The following PLOD2 variants were observed in gnomAD, a reference collection of about 807,000 sequenced individuals.
The protein encoded by PLOD2 is lysine hydroxylase 2.
Under a neutral mutation model 101.0 loss-of-function variants are expected in PLOD2, and 65 were observed. The observed-to-expected ratio is 0.64, with a 90% CI of 0.53 to 0.79. The LOEUF is 0.79. Ranked by LOEUF, PLOD2 falls within the 30% of genes least tolerant of loss-of-function variation. The pLI is 0.00. For missense variants in PLOD2, 909 were observed against 914.6 expected, an observed-to-expected ratio of 0.99 and a Z score of 0.08; for synonymous variants, 314 against 302.9, an observed-to-expected ratio of 1.04 and a Z score of -0.38.
intron 1 of PLOD2, among the ~76,000 whole-genome samples, chr3:146,133,225 T>C (rs1239076620): frequency 6.6e-6 from 1 of 152,154 alleles, no homozygotes; most frequent in East Asian, 1.9e-4. Flanking sequence ...GGTGTAATTT[T>C]TAATATAAAA....
At chr3:146,157,221 C>T (rs1576635263) in intron 1 of PLOD2, among the ~76,000 whole-genome samples, 1 of 152,090 alleles carries the variant, frequency 6.6e-6, no homozygotes, top group African/African-American at 2.4e-5. Flanking sequence ...GTAAGCAAAA[C>T]CTGAGAATGT....
chr3:146,078,510 G>A (rs1936420720), intron 13 of PLOD2, among the ~76,000 whole-genome samples: 1 of 151,664 alleles, frequency 6.6e-6, no homozygotes, highest in Non-Finnish European at 1.5e-5. Flanking sequence ...TATGCATTTT[G>A]AAAAATTATT....
At chr3:146,156,432 A>C (rs57945878) in intron 1 of PLOD2, among the ~76,000 whole-genome samples, 2 of 152,184 alleles carry the variant, frequency 1.3e-5, no homozygotes, top group Non-Finnish European at 2.9e-5. Flanking sequence ...ATAAGTAAAC[A>C]AATGAATGTG....
intron 5 of PLOD2, among the ~76,000 whole-genome samples, chr3:146,105,721 C>G (rs1937524786): frequency 6.6e-6 from 1 of 152,102 alleles, no homozygotes; most frequent in African/African-American, 2.4e-5. Context: ...TTCAGGGAAC[C>G]AAGGATCCAG....
intron 3 of PLOD2, among the ~76,000 whole-genome samples, chr3:146,117,055 G>A (rs1937946296): frequency 6.6e-6 from 1 of 152,090 alleles, no homozygotes; most frequent in Non-Finnish European, 1.5e-5. Flanking sequence ...TAATGGGGAT[G>A]ACTGCACGAC....
chr3:146,071,290 C>T lies in PLOD2; in HGVS notation c.1982G>A (p.Gly661Asp), dbSNP rs765108706. Reference protein sequence around the residue: ...IAPVTLKVFAGYYTKGFALLN... With the variant: ...IAPVTLKVFADYYTKGFALLN... Reference sequence around the variant, plus strand: ...GAGGATAACTACCTTCGTATAATAGCCTGCAAAGACCTTCAGTGTAACTGG... The same window carrying T: ...GAGGATAACTACCTTCGTATAATAGTCTGCAAAGACCTTCAGTGTAACTGG... Residue 661 changes from glycine to aspartate, a missense_variant, in exon 18 of 20, where the codon GGC (glycine) becomes GAC (aspartate). Coordinates refer to ENST00000282903, the MANE Select transcript of PLOD2 (RefSeq NM_182943.3). The T allele has an allele frequency of 1.9e-6, 3 of 1,611,942 alleles. No individual in the cohort carries two copies. In the Admixed American group the frequency reaches 5.0e-5, roughly 27 times the overall value.
At chr3:146,101,669 G>A (rs998405349) in intron 7 of PLOD2, among the ~76,000 whole-genome samples, 23 of 152,214 alleles carry the variant, frequency 1.5e-4, no homozygotes, top group African/African-American at 5.5e-4. Flanking sequence ...TGAAGGGGAG[G>A]AGAAAAGCCA....
intron 5 of PLOD2, among the ~76,000 whole-genome samples, chr3:146,106,246 C>A (rs1326055315): frequency 2.0e-5 from 3 of 152,132 alleles, no homozygotes; most frequent in Non-Finnish European, 4.4e-5. Flanking sequence ...TATAGCACTG[C>A]ATTATATAGT....
intron 1 of PLOD2, among the ~76,000 whole-genome samples, chr3:146,144,996 C>T (rs961720763): frequency 5.3e-5 from 8 of 152,074 alleles, no homozygotes; most frequent in African/African-American, 1.4e-4. Context: ...AACTCTTAAA[C>T]GAAGTTATGC....
At chr3:146,081,937 T>C (rs1936557066) in intron 11 of PLOD2, 74 bp from the exon 12 acceptor site, 8 of 1,397,002 alleles carry the variant, frequency 5.7e-6, no homozygotes, top group Admixed American at 2.0e-5. Flanking sequence ...CACAGAATTA[T>C]GTATTTTGGG....
chr3:146,119,261 T>C (rs983489831), intron 3 of PLOD2, among the ~76,000 whole-genome samples: 2 of 152,142 alleles, frequency 1.3e-5, no homozygotes, highest in African/African-American at 4.8e-5. Flanking sequence ...GCCATGATCC[T>C]AAGTTTCCTG....
At chr3:146,130,876 T>A (rs1385764345) in intron 1 of PLOD2, among the ~76,000 whole-genome samples, 1 of 152,180 alleles carries the variant, frequency 6.6e-6, no homozygotes, top group Admixed American at 6.5e-5. Flanking sequence ...GCTTGTAAGG[T>A]TGGTCCTTGG....
At chr3:146,152,511 C>T (rs2032107598) in intron 1 of PLOD2, among the ~76,000 whole-genome samples, 1 of 152,056 alleles carries the variant, frequency 6.6e-6, no homozygotes, top group African/African-American at 2.4e-5. Flanking sequence ...TAAGAAATGA[C>T]AAATATACCT....
intron 8 of PLOD2, among the ~76,000 whole-genome samples, chr3:146,089,468 AAC>A (rs1936900966): frequency 6.6e-6 from 1 of 151,622 alleles, no homozygotes; most frequent in South Asian, 2.1e-4. Context: ...ACACCCATGT[AAC>A]AGTGTCATGA....
intron 2 of PLOD2, chr3:146,123,309 C>T (rs780170576): frequency 2.6e-5 from 30 of 1,162,412 alleles, no homozygotes; most frequent in Non-Finnish European, 2.9e-5. Flanking sequence ...AAAGACTTGG[C>T]TGACAGATCC....
rs1937550296 is a variant in PLOD2 at position 146,107,221 on chromosome 3, A to T, written c.503-577T>A. ...TGGCCAGTCATTATTGTGCCTGCTA[A>T]ACCATTTTCTGGCTAGGTTTTTTGT... On this transcript the variant is annotated intron_variant, in intron 4 of 19. Coordinates refer to ENST00000282903, the MANE Select transcript of PLOD2 (RefSeq NM_182943.3). Among the ~76,000 whole-genome samples, 3 of 152,236 alleles carry T rather than the reference A, an allele frequency of 2.0e-5. No individual in the cohort carries two copies. The South Asian group carries it at 6.2e-4, about 31-fold the overall frequency.
intron 11 of PLOD2, among the ~76,000 whole-genome samples, chr3:146,084,381 G>C (rs879856916): frequency 4.0e-5 from 6 of 150,412 alleles, no homozygotes; most frequent in South Asian, 2.1e-4. Context: ...TATATATATA[G>C]ATAGATATTA....
chr3:146,157,959 T>C (rs1423041744), intron 1 of PLOD2, among the ~76,000 whole-genome samples: 2 of 152,222 alleles, frequency 1.3e-5, no homozygotes, highest in Non-Finnish European at 1.5e-5. Context: ...AGAGAGTTTA[T>C]AAATGAATGA....
chr3:146,140,616 A>T (rs1296274652), intron 1 of PLOD2, among the ~76,000 whole-genome samples: 1 of 152,126 alleles, frequency 6.6e-6, no homozygotes, highest in East Asian at 1.9e-4. Context: ...AAAGAATAGG[A>T]TCAGTTCCTG....
Sources: allele counts gnomAD v4.1 joint callset (sites outside exome capture counted in the v4.1 genomes callset), GRCh38; gene constraint gnomAD v4.1.1; transcripts MANE v1.5; gene names NCBI Gene and HGNC (gene_info 2026-07-23, HGNC 2026-07-21).